Variants in MDGA1 observed in about 807,000 individuals in gnomAD.
The protein encoded by MDGA1 is MAM domain-containing glycosylphosphatidylinositol anchor protein 1.
Under a neutral mutation model 101.5 loss-of-function variants are expected in MDGA1, and 54 were observed. The ratio of observed to expected loss-of-function variants is 0.53; its 90% confidence interval spans 0.43 to 0.67. The LOEUF is 0.67. MDGA1 is among the 30% of genes least tolerant of loss of function. MDGA1 has a pLI of 0.00. For synonymous variants in MDGA1, 533 were observed against 558.3 expected, an observed-to-expected ratio of 0.95 and a Z score of 0.64; for missense variants, 1,083 against 1,323.8, an observed-to-expected ratio of 0.82 and a Z score of 2.82.
At position 37,650,291 on chromosome 6, in the gene MDGA1, G is replaced by T. The variant is rs765137931; in HGVS notation, c.1427C>A (p.Ser476Tyr). The T allele has an allele frequency of 3.7e-6, 6 of 1,604,352 alleles. No homozygotes were observed. In the East Asian group the frequency reaches 1.3e-4, roughly 36 times the overall value. Reference sequence around the variant, plus strand: ...CAGTGCAGCCTCCTTGTCCACGCGGGACCAGAGCACTGGCGGCCGCGGCTT... The same window carrying T: ...CAGTGCAGCCTCCTTGTCCACGCGGTACCAGAGCACTGGCGGCCGCGGCTT... The part of the protein sequence containing the change: ...RGKPRPPVLW[S>Y]RVDKEAALLP... Residue 476 changes from serine (S) to tyrosine (Y), a missense_variant, in exon 8 of 17, where the codon TCC (serine) becomes TAC (tyrosine). Ser to Tyr is a moderately radical substitution (Grantham distance 144). Around this residue, in one of 3 missense-constraint regions of MDGA1, gnomAD observed 657 missense variants for 771.4 expected, o/e 0.85. Transcript: ENST00000434837.
chr6:37,647,224 CCT>C lies in MDGA1; in HGVS notation c.1993_1994del (p.Arg665GlyfsTer53). On this transcript the variant is annotated frameshift_variant, in exon 10 of 17. Transcript: ENST00000434837. LOFTEE classifies it high-confidence loss of function. ...NYSYVLQWTQ[R>X]EPDAVDPVLN... ...GCACAGGGTCGACAGCGTCGGGCTC[CCT>C]CTGAGTCCACTGCAGCACGTAGGAG... 2 of 1,592,432 alleles carry C rather than the reference CCT, an allele frequency of 1.3e-6. No individual in the cohort carries two copies. The highest frequency in any genetic ancestry group is 1.7e-6 in the Non-Finnish European group (2 of 1,169,772).
chr6:37,686,730 A>T (rs958070663), intron 1 of MDGA1, among the ~76,000 whole-genome samples: 1 of 152,190 alleles, frequency 6.6e-6, no homozygotes, highest in Non-Finnish European at 1.5e-5. Context: ...CCTAGCCAGC[A>T]TCAGGACTTT....
chr6:37,644,354 C>T lies in MDGA1; in HGVS notation c.2401+143G>A, dbSNP rs940491606. The T allele has an allele frequency of 5.4e-6, 5 of 933,344 alleles. No individual in the cohort carries two copies. In the Admixed American group the frequency reaches 1.7e-4, roughly 32 times the overall value. The allele number at this position is 933,344 out of a possible 1,614,324, so 57.8% of individuals were successfully genotyped here. Reference sequence around the variant, plus strand: ...CTCCCTGAAATCGAGGCTGTGTCTCCCCTCAGACCAGAGCTCCCTGAGAAC... The same window carrying T: ...CTCCCTGAAATCGAGGCTGTGTCTCTCCTCAGACCAGAGCTCCCTGAGAAC... On this transcript the variant is annotated intron_variant, in intron 13 of 16. Transcript: ENST00000434837.
intron 16 of MDGA1, 134 bp from the exon 17 acceptor site, chr6:37,637,593 GCACA>G: frequency 2.9e-6 from 2 of 692,758 alleles, no homozygotes; most frequent in Non-Finnish European, 5.0e-6. Context: ...TGGCCTCAGT[GCACA>G]CAGACAAACT....
At chr6:37,693,829 T>C (rs1259279809) in intron 1 of MDGA1, among the ~76,000 whole-genome samples, 1 of 152,210 alleles carries the variant, frequency 6.6e-6, no homozygotes, top group African/African-American at 2.4e-5. Flanking sequence ...ATGGACCATC[T>C]GGTCCAGCAC....
At chr6:37,666,053 A>G (rs775423753) in intron 1 of MDGA1, among the ~76,000 whole-genome samples, 5 of 152,148 alleles carry the variant, frequency 3.3e-5, no homozygotes, top group Non-Finnish European at 7.3e-5. Context: ...CCTCTATAAG[A>G]AATAAAGCTC....
intron 2 of MDGA1, among the ~76,000 whole-genome samples, chr6:37,660,421 C>A (rs3846879): frequency 0.59 from 90,326 of 151,824 alleles, 28,217 homozygotes; most frequent in East Asian, 0.85. Context: ...CTCTCAACTT[C>A]TTTTTCACAT....
At chr6:37,664,194 G>A (rs1361955832) in intron 1 of MDGA1, 88 bp from the exon 2 acceptor site, 33 of 1,541,018 alleles carry the variant, frequency 2.1e-5, no homozygotes, top group Non-Finnish European at 2.7e-5. Flanking sequence ...GTATCTGGGA[G>A]GGGTCAGCCC....
At chr6:37,642,324 C>T (rs113160540) in intron 14 of MDGA1, among the ~76,000 whole-genome samples, 1,524 of 151,832 alleles carry the variant, frequency 0.01, 17 homozygotes, top group Middle Eastern at 0.027. Context: ...CCTGCCATCA[C>T]GTGAGCCTGG....
At chr6:37,659,248 G>A (rs920126423) in intron 2 of MDGA1, among the ~76,000 whole-genome samples, 9 of 152,212 alleles carry the variant, frequency 5.9e-5, no homozygotes, top group African/African-American at 2.2e-4. Flanking sequence ...CACAGGAACT[G>A]TGAGACAGTA....
intron 1 of MDGA1, among the ~76,000 whole-genome samples, chr6:37,670,400 C>T (rs1267168720): frequency 1.3e-5 from 2 of 152,112 alleles, no homozygotes; most frequent in Non-Finnish European, 2.9e-5. Flanking sequence ...CTGTGCAGGG[C>T]TTCAGAGGGG....
chr6:37,694,653 C>T (rs368839832), intron 1 of MDGA1, among the ~76,000 whole-genome samples: 1 of 121,622 alleles, frequency 8.2e-6, no homozygotes, highest in African/African-American at 3.6e-5. Context: ...AGGAACTCAG[C>T]GACCTCCTGT....
intron 1 of MDGA1, 167 bp from the exon 2 acceptor site, chr6:37,664,273 C>G: frequency 1.3e-6 from 1 of 792,436 alleles, no homozygotes; most frequent in Non-Finnish European, 2.0e-6. Flanking sequence ...CCCAGGACCT[C>G]TAGGACAGAA....
Position 37,638,584 on chromosome 6 carries a change from C to T in MDGA1, c.2620G>A (p.Val874Met). 1 of 1,614,026 alleles carries T rather than the reference C, an allele frequency of 6.2e-7. No homozygotes were observed. Residue 874 changes from valine to methionine, a missense_variant, in exon 15 of 17, where the codon GTG becomes ATG. Transcript: ENST00000434837. This position sits in a 1 kb window ranked among gnomAD's most constrained non-coding sequence, Gnocchi z 4.8. The stretch of plus-strand genomic sequence containing the variant: ...ATGGGCACATGGGCCTGCTGCCACA[C>T]ATTGCCCTTATTGCCACTGAGAGAC... ...AWSLSGNKGNVWQQAHVPISP... is the reference protein window; with the variant it reads ...AWSLSGNKGNMWQQAHVPISP...
At chr6:37,679,365 T>C (rs56331887) in intron 1 of MDGA1, among the ~76,000 whole-genome samples, 20,285 of 152,048 alleles carry the variant, frequency 0.13, 1,454 homozygotes, top group Admixed American at 0.19. Context: ...GGCTGCCCCT[T>C]GGGAGGAAAA....
At chr6:37,666,993 G>A (rs533738032) in intron 1 of MDGA1, among the ~76,000 whole-genome samples, 15 of 152,278 alleles carry the variant, frequency 9.9e-5, no homozygotes, top group East Asian at 5.8e-4. Context: ...AACTCACAAC[G>A]GTAGATGTGA....
chr6:37,695,918 C>A (rs1762407505), intron 1 of MDGA1, among the ~76,000 whole-genome samples: 1 of 152,216 alleles, frequency 6.6e-6, no homozygotes, highest in Admixed American at 6.5e-5. Flanking sequence ...CTGCCCCGGG[C>A]CTTCCCTGGG....
intron 3 of MDGA1, among the ~76,000 whole-genome samples, chr6:37,656,692 C>G (rs1469055268): frequency 6.6e-6 from 1 of 152,164 alleles, no homozygotes; most frequent in Non-Finnish European, 1.5e-5. Flanking sequence ...GGACTTGATG[C>G]CTTCCCAGAC....
intron 1 of MDGA1, among the ~76,000 whole-genome samples, chr6:37,681,365 T>C (rs12524101): frequency 0.13 from 19,528 of 152,056 alleles, 1,332 homozygotes; most frequent in South Asian, 0.19. Flanking sequence ...GTGGGGGCCA[T>C]ACCCAGGCTG....
Sources: gnomAD v4.1 joint callset for allele counts (sites outside exome capture counted in the v4.1 genomes callset) on GRCh38, gnomAD v4.1.1 for gene constraint, gnomAD v4.1.1 regional missense constraint, Gnocchi (gnomAD v3.1) non-coding constraint, MANE v1.5 for transcripts, NCBI Gene and HGNC (gene_info 2026-07-23, HGNC 2026-07-21) for gene names.